The following CNTNAP2 variants were observed in gnomAD, a reference collection of about 807,000 sequenced individuals.
CNTNAP2 encodes the protein contactin associated protein 2.
Under a neutral mutation model 155.2 loss-of-function variants are expected in CNTNAP2, and 98 were observed. The observed-to-expected ratio is 0.63, with a 90% CI of 0.54 to 0.75. The LOEUF (loss-of-function observed/expected upper bound fraction) is 0.75, where lower values mean the gene tolerates loss of function less well. Among genes scored for constraint, CNTNAP2 ranks in the 30% least tolerant of loss-of-function variants. CNTNAP2 has a pLI of 0.00. For synonymous variants in CNTNAP2, 651 were observed against 631.2 expected (o/e 1.03, Z -0.47); for missense variants, 1,727 against 1,688.1 (o/e 1.02, Z -0.40).
intron 6 of CNTNAP2, among the ~76,000 whole-genome samples, chr7:147,123,668 G>A (rs1801165711): frequency 6.6e-6 from 1 of 152,228 alleles, no homozygotes; most frequent in Non-Finnish European, 1.5e-5. Flanking sequence ...TGTAATAAAA[G>A]TGGCTGTGCT....
chr7:147,051,570 T>C (rs944099645), intron 4 of CNTNAP2, among the ~76,000 whole-genome samples: 38 of 151,852 alleles, frequency 2.5e-4, no homozygotes, highest in African/African-American at 8.5e-4. Flanking sequence ...AAATTAGGGG[T>C]AAAGGAGCAT....
intron 8 of CNTNAP2, among the ~76,000 whole-genome samples, chr7:147,206,956 C>G (rs566762931): frequency 7.1e-4 from 108 of 152,230 alleles, no homozygotes; most frequent in African/African-American, 2.5e-3. Context: ...GAAATTACTG[C>G]TCATTTCAGT....
chr7:146,995,541 C>T (rs1798292928), intron 3 of CNTNAP2, among the ~76,000 whole-genome samples: 1 of 152,118 alleles, frequency 6.6e-6, no homozygotes, highest in African/African-American at 2.4e-5. Context: ...ACAGGAGTGA[C>T]ATAATATCTC....
chr7:147,735,674 T>C lies in CNTNAP2; in HGVS notation c.2098+96368T>C, dbSNP rs151050292. Among the ~76,000 whole-genome samples the C allele has an allele frequency of 7.7e-3, 1,172 of 152,288 alleles. 10 individuals carry two copies. Among genetic ancestry groups the C allele is most frequent in the African/African-American group, 0.027 (1,127 of 41,564 alleles). On this transcript the variant is annotated intron_variant, in intron 13 of 23. Transcript: ENST00000361727. The stretch of plus-strand genomic sequence containing the variant: ...GGGAGTCTAAGTCTCTTTGTAGGTG[T>C]CGAAAGACTTGCTTTATCAATCTGG...
intron 13 of CNTNAP2, among the ~76,000 whole-genome samples, chr7:147,736,136 G>A (rs1352356576): frequency 6.6e-6 from 1 of 151,690 alleles, no homozygotes; most frequent in Non-Finnish European, 1.5e-5. Context: ...TTACAATTTG[G>A]CATGTTTTTT....
intron 1 of CNTNAP2, among the ~76,000 whole-genome samples, chr7:146,312,985 A>G (rs1375364981): frequency 1.3e-5 from 2 of 152,094 alleles, no homozygotes; most frequent in African/African-American, 4.8e-5. Flanking sequence ...TTGCTTTCAT[A>G]TCTTGGCTAT....
chr7:147,663,535 C>A (rs954064913), intron 13 of CNTNAP2, among the ~76,000 whole-genome samples: 1 of 152,124 alleles, frequency 6.6e-6, no homozygotes, highest in Non-Finnish European at 1.5e-5. Flanking sequence ...TGATGAAAGA[C>A]CTAGTTCTTG....
chr7:147,155,604 C>G (rs992478139), intron 8 of CNTNAP2, among the ~76,000 whole-genome samples: 1 of 151,974 alleles, frequency 6.6e-6, no homozygotes, highest in Non-Finnish European at 1.5e-5. Context: ...GGAAGACGAG[C>G]CATTGGTAAA....
intron 18 of CNTNAP2, among the ~76,000 whole-genome samples, chr7:148,176,714 C>T (rs1794944952): frequency 6.6e-6 from 1 of 152,190 alleles, no homozygotes; most frequent in East Asian, 1.9e-4. Context: ...GATAACTGAG[C>T]AGCATCCCAT....
At chr7:148,156,898 A>AGTC (rs1805409116) in intron 17 of CNTNAP2, among the ~76,000 whole-genome samples, 1 of 152,072 alleles carries the variant, frequency 6.6e-6, no homozygotes, top group Admixed American at 6.5e-5. Context: ...AAGCCCTGTG[A>AGTC]GTCTACCTCC....
intron 15 of CNTNAP2, among the ~76,000 whole-genome samples, chr7:148,005,158 C>A (rs376826891): frequency 8.5e-5 from 13 of 152,228 alleles, no homozygotes; most frequent in East Asian, 1.9e-4. Context: ...TGAGCCCAGG[C>A]TGGCAACAAG....
At chr7:147,106,084 T>C (rs1461462642) in intron 4 of CNTNAP2, among the ~76,000 whole-genome samples, 1 of 152,086 alleles carries the variant, frequency 6.6e-6, no homozygotes, top group Non-Finnish European at 1.5e-5. Context: ...GAGGTGATTC[T>C]TGTTCCCTGA....
intron 8 of CNTNAP2, chr7:147,162,211 A>T (rs1304475994): frequency 6.6e-6 from 1 of 152,196 alleles, no homozygotes; most frequent in African/African-American, 2.4e-5. Flanking sequence ...TAAATGGTCC[A>T]CCAGTATTCT....
At chr7:147,123,474 C>T (rs1011642442) in intron 6 of CNTNAP2, among the ~76,000 whole-genome samples, 3 of 152,198 alleles carry the variant, frequency 2.0e-5, no homozygotes, top group African/African-American at 2.4e-5. Flanking sequence ...CACTTTGAAG[C>T]CCATCTATAT....
At chr7:146,317,515 A>G (rs1408271266) in intron 1 of CNTNAP2, among the ~76,000 whole-genome samples, 2 of 152,220 alleles carry the variant, frequency 1.3e-5, no homozygotes, top group Non-Finnish European at 2.9e-5. Flanking sequence ...GGCACTCATC[A>G]CATGATCTGG....
intron 5 of CNTNAP2, among the ~76,000 whole-genome samples, chr7:147,112,041 C>G (rs1487593714): frequency 2.0e-5 from 3 of 152,042 alleles, no homozygotes; most frequent in Admixed American, 2.0e-4. Flanking sequence ...TGTGTCATCT[C>G]TGATTTCTTT....
intron 1 of CNTNAP2, among the ~76,000 whole-genome samples, chr7:146,558,599 T>TG (rs1041899064): frequency 3.3e-5 from 5 of 152,150 alleles, no homozygotes; most frequent in African/African-American, 9.6e-5. Flanking sequence ...ATGATTTTTT[T>TG]GGGGGGGAAA....
intron 1 of CNTNAP2, among the ~76,000 whole-genome samples, chr7:146,560,136 T>G (rs1459613270): frequency 6.6e-6 from 1 of 152,168 alleles, no homozygotes; most frequent in Non-Finnish European, 1.5e-5. Context: ...TTCCCATCAC[T>G]GAATTCCTTT....
chr7:147,012,104 T>C (rs1387956770), intron 3 of CNTNAP2, among the ~76,000 whole-genome samples: 1 of 152,220 alleles, frequency 6.6e-6, no homozygotes, highest in Admixed American at 6.5e-5. Context: ...TTTTCTCTTG[T>C]TAATCTGTAT....
Sources: allele counts gnomAD v4.1 joint callset (sites outside exome capture counted in the v4.1 genomes callset), GRCh38; gene constraint gnomAD v4.1.1; transcripts MANE v1.5; gene names NCBI Gene and HGNC (gene_info 2026-07-23, HGNC 2026-07-21).